Variants in ARAP1 observed in about 807,000 individuals in gnomAD.
ARAP1 encodes the protein ArfGAP with RhoGAP domain, ankyrin repeat and PH domain 1, also known as arf-GAP with Rho-GAP domain, ANK repeat and PH domain-containing protein 1.
Under a neutral mutation model 172.2 loss-of-function variants are expected in ARAP1, and 76 were observed. That is an observed-to-expected ratio of 0.44 (90% CI 0.37 to 0.53). The LOEUF is 0.53. Ranked by LOEUF, ARAP1 falls within the 20% of genes least tolerant of loss-of-function variation. The probability of loss-of-function intolerance (pLI) is 0.00; values close to 1 mark genes in which losing one functional copy is unlikely to be tolerated. For missense variants in ARAP1, 1,686 were observed against 1,977.5 expected, an observed-to-expected ratio of 0.85 and a Z score of 2.80; for synonymous variants, 804 against 803.3, an observed-to-expected ratio of 1.00 and a Z score of -0.01.
In ARAP1 at chr11:72,695,629, C is replaced by G. The variant is rs1469625985; in HGVS notation, c.3421-1G>C. On this transcript the variant is annotated splice_acceptor_variant, in intron 24 of 34. Transcript: ENST00000393609. LOFTEE classifies it high-confidence loss of function. This position sits in a 1 kb window ranked among gnomAD's most constrained non-coding sequence, Gnocchi z 4.4. ...GCTTCCTGAGCTCTTCCTCATCCAC[C>G]TGGGAAGGGGCGAGAGGCAGGGACA... 1.9e-6 allele frequency: 3 copies of G among 1,614,122 alleles called. No individual in the cohort carries two copies. Among genetic ancestry groups the G allele is most frequent in the Non-Finnish European group, 2.5e-6 (3 of 1,180,020 alleles).
At position 72,697,037 on chromosome 11, in the gene ARAP1, G is replaced by A. The variant is rs150227698; in HGVS notation, c.3112C>T (p.Leu1038=). Residue 1038 remains leucine (L), a synonymous_variant, in exon 22 of 35, where the codon CTG becomes TTG. Transcript: ENST00000393609. ...GCGCGAGTGAAGAGCCCATCAGGCA[G>A]GTCGCGCAGGAAGCGCTTGAGCGCC... is the stretch of plus-strand genomic sequence containing the variant. The part of the protein sequence containing the change: ...SSALKRFLRD[L]PDGLFTRAQR... 9 of 1,609,890 alleles carry A rather than the reference G, an allele frequency of 5.6e-6. No individual in the cohort carries two copies. In the African/African-American group the frequency reaches 1.2e-4, roughly 21 times the overall value.
chr11:72,740,299 CCA>C (rs1398414279), intron 1 of ARAP1, among the ~76,000 whole-genome samples: 1 of 152,176 alleles, frequency 6.6e-6, no homozygotes, highest in African/African-American at 2.4e-5. Flanking sequence ...AAATGCTAAA[CCA>C]CAGTTTTATT....
At position 72,696,944 on chromosome 11, in the gene ARAP1, T is replaced by A. The variant is rs746347393; in HGVS notation, c.3166+39A>T. The A allele has an allele frequency of 2.6e-5, 41 of 1,569,698 alleles. No individual in the cohort carries two copies. The East Asian group carries it at 9.1e-4, about 35-fold the overall frequency. ...GGGCGCAGGAGTCCGGAGGGATGGG[T>A]GGAGGAGGAGGAGGCTGGGCACGGG... On this transcript the variant is annotated intron_variant, in intron 22 of 34. Coordinates refer to ENST00000393609, the MANE Select transcript of ARAP1 (RefSeq NM_001040118.3).
chr11:72,710,501 C>G lies in ARAP1; in HGVS notation c.1300G>C (p.Gly434Arg), dbSNP rs773185759. Reference sequence around the variant, plus strand: ...TCAGGCTGCTCTGAGCCTGGAACTCCCAGCAGATAAGCGCTAGAGAGCCGG... The same window carrying G: ...TCAGGCTGCTCTGAGCCTGGAACTCGCAGCAGATAAGCGCTAGAGAGCCGG... ...RARLSSAYLL[G>R]VPGSEQPDRA... The change falls in exon 10 of 35, where the codon GGA becomes CGA. Residue 434 changes from glycine to arginine, a missense_variant. Physicochemically the swap from Gly to Arg is moderately radical, Grantham distance 125. Coordinates refer to ENST00000393609, the MANE Select transcript of ARAP1 (RefSeq NM_001040118.3). The surrounding 1 kb of genome is among the most constrained non-coding windows in gnomAD (Gnocchi z 4.3). The G allele has an allele frequency of 2.0e-5, 32 of 1,613,984 alleles. No homozygotes were observed. The South Asian group carries it at 3.5e-4, about 18-fold the overall frequency.
At position 72,725,941 on chromosome 11, in the gene ARAP1, G is replaced by A. The variant is rs746290804; in HGVS notation, c.509+679C>T. Among the ~76,000 whole-genome samples the A allele has an allele frequency of 1.3e-5, 2 of 152,152 alleles. No individual in the cohort carries two copies. The highest frequency in any genetic ancestry group is 1.3e-4 in the Admixed American group (2 of 15,292). ...TGTCTGGGGATGCTCCCTGACAGCCGGGCATCCCAGCAGATGGCAGGAAGG... is the reference window on the plus strand; with the variant it reads ...TGTCTGGGGATGCTCCCTGACAGCCAGGCATCCCAGCAGATGGCAGGAAGG... On this transcript the variant is annotated intron_variant, in intron 3 of 34. Coordinates refer to ENST00000393609, the MANE Select transcript of ARAP1 (RefSeq NM_001040118.3). This position sits in a 1 kb window ranked among gnomAD's most constrained non-coding sequence, Gnocchi z 4.3.
intron 34 of ARAP1, 39 bp from the exon 35 acceptor site, chr11:72,685,720 G>A (rs924369841): frequency 3.1e-6 from 5 of 1,613,602 alleles, no homozygotes; most frequent in Non-Finnish European, 3.4e-6. Flanking sequence ...TTTTGTGAAG[G>A]CCCAGAGGGG....
At chr11:72,701,574 C>A in intron 16 of ARAP1, 75 bp downstream of exon 16, 20 of 1,544,516 alleles carry the variant, frequency 1.3e-5, no homozygotes, top group Non-Finnish European at 1.7e-5. Context: ...ACCAGTCTGG[C>A]CAGCCCTGGC....
chr11:72,749,436 T>C (rs1368638423), intron 1 of ARAP1, among the ~76,000 whole-genome samples: 1 of 152,224 alleles, frequency 6.6e-6, no homozygotes, highest in African/African-American at 2.4e-5. Context: ...GCTGACCTCA[T>C]TCTCACTGAT....
chr11:72,736,897 G>A (rs921247406), intron 1 of ARAP1, among the ~76,000 whole-genome samples: 1 of 152,162 alleles, frequency 6.6e-6, no homozygotes, highest in Non-Finnish European at 1.5e-5. Flanking sequence ...GCCAGGCTGG[G>A]CTGGCCCTGT....
intron 8 of ARAP1, 83 bp downstream of exon 8, chr11:72,711,347 T>C: frequency 6.5e-7 from 1 of 1,535,150 alleles, no homozygotes; most frequent in Non-Finnish European, 9.0e-7. Context: ...AGGACTCCTC[T>C]GGGGAGGGAC....
chr11:72,729,306 C>A (rs1260894672), intron 2 of ARAP1, among the ~76,000 whole-genome samples: 7 of 152,114 alleles, frequency 4.6e-5, no homozygotes, highest in Non-Finnish European at 8.8e-5. Flanking sequence ...TTTTAAAAAA[C>A]CATGGCTGGG....
In ARAP1 at chr11:72,695,724, C is replaced by T. The variant is rs914002782; in HGVS notation, c.3414G>A (p.Val1138=). ...CCACTGGCCAGGGACGCACACTAAACACCACCACATAGTGGTTAATGAGGT... is the reference window on the plus strand; with the variant it reads ...CCACTGGCCAGGGACGCACACTAAATACCACCACATAGTGGTTAATGAGGT... ...VEDLINHYVV[V]FSVDEEELRK... is the part of the protein sequence containing the mutation. Residue 1138 remains valine, a synonymous_variant, in exon 24 of 35, where the codon GTG becomes GTA. Coordinates refer to ENST00000393609, the MANE Select transcript of ARAP1 (RefSeq NM_001040118.3). This position sits in a 1 kb window ranked among gnomAD's most constrained non-coding sequence, Gnocchi z 4.4. The T allele has an allele frequency of 6.2e-7, 1 of 1,614,176 alleles. No homozygotes were observed. Among genetic ancestry groups the T allele is most frequent in the Non-Finnish European group, 8.5e-7 (1 of 1,179,996 alleles).
intron 31 of ARAP1, among the ~76,000 whole-genome samples, chr11:72,688,039 G>A (rs920223628): frequency 3.3e-5 from 5 of 151,752 alleles, no homozygotes; most frequent in African/African-American, 1.2e-4. Context: ...TCACTCTGTC[G>A]CCCAGGCTGG....
At position 72,736,268 on chromosome 11, in the gene ARAP1, G is replaced by C. The variant is rs141273919; in HGVS notation, c.-127-3671C>G. Among the ~76,000 whole-genome samples, 593 of 139,952 alleles carry C rather than the reference G, an allele frequency of 4.2e-3. 4 individuals are homozygous for C. The highest frequency in any genetic ancestry group is 0.015 in the African/African-American group (570 of 37,282). The allele number at this position is 139,952 out of a possible 152,430, so 91.8% of individuals were successfully genotyped here. A position where few individuals can be genotyped will look rare whatever the true frequency, so the allele number is the denominator to read the frequency against. ...TTTTTTTTTTTTTTGAGACAGGGAA[G>C]GTCTCGCTTTGTTGCCCAGGCTGGA... On this transcript the variant is annotated intron_variant, in intron 1 of 34. Transcript: ENST00000393609.
chr11:72,697,262 T>A, intron 21 of ARAP1, 61 bp downstream of exon 21: 1 of 1,587,640 alleles, frequency 6.3e-7, no homozygotes, highest in Non-Finnish European at 8.6e-7. Flanking sequence ...GCCGCGCAGC[T>A]CTGGGGCGGG....
rs1022591340 is a variant in ARAP1 at position 72,726,300 on chromosome 11, G to A, written c.509+320C>T. The stretch of plus-strand genomic sequence containing the variant: ...AGTTGCCAGGTCCCAAGCTGAACTC[G>A]ACTTCCTCCCAAAGTCACTTCTGTC... On this transcript the variant is annotated intron_variant, in intron 3 of 34. Transcript: ENST00000393609. This position sits in a 1 kb window ranked among gnomAD's most constrained non-coding sequence, Gnocchi z 6.5. Among the ~76,000 whole-genome samples, 3 of 151,790 alleles carry A rather than the reference G, an allele frequency of 2.0e-5. No homozygotes were observed. The highest frequency in any genetic ancestry group is 1.3e-4 in the Admixed American group (2 of 15,242).
chr11:72,750,457 G>A (rs1039269697), intron 1 of ARAP1, among the ~76,000 whole-genome samples: 1 of 152,136 alleles, frequency 6.6e-6, no homozygotes, highest in Non-Finnish European at 1.5e-5. Flanking sequence ...CCTAGGCCTG[G>A]TCCACCACTA....
chr11:72,724,298 G>A (rs1381128811), intron 3 of ARAP1, among the ~76,000 whole-genome samples: 1 of 152,072 alleles, frequency 6.6e-6, no homozygotes, highest in Non-Finnish European at 1.5e-5. Context: ...AGCTCCACTG[G>A]GGAGCCTGGA....
At chr11:72,739,782 C>T (rs552770751) in intron 1 of ARAP1, among the ~76,000 whole-genome samples, 5 of 152,300 alleles carry the variant, frequency 3.3e-5, no homozygotes, top group African/African-American at 1.2e-4. Flanking sequence ...CTAGTCCTGA[C>T]CCTGGGTGCT....
Sources: gnomAD v4.1 joint callset for allele counts (sites outside exome capture counted in the v4.1 genomes callset) on GRCh38, gnomAD v4.1.1 for gene constraint, Gnocchi (gnomAD v3.1) non-coding constraint, MANE v1.5 for transcripts, NCBI Gene and HGNC (gene_info 2026-07-23, HGNC 2026-07-21) for gene names.